SLC35F3: variants seen among roughly 807,000 people sequenced by gnomAD.
SLC35F3 encodes solute carrier family 35 member F3, also known as putative thiamine transporter SLC35F3.
Under a neutral mutation model 49.9 loss-of-function variants are expected in SLC35F3, and 25 were observed. The observed-to-expected ratio is 0.50, with a 90% CI of 0.37 to 0.70. The LOEUF is 0.70. Among genes scored for constraint, SLC35F3 ranks in the 30% least tolerant of loss-of-function variants. The probability of loss-of-function intolerance (pLI) is 0.00; values close to 1 mark genes in which losing one functional copy is unlikely to be tolerated. For missense variants in SLC35F3, 525 were observed against 639.8 expected (o/e 0.82, Z 1.94); for synonymous variants, 275 against 265.4 (o/e 1.04, Z -0.35).
At chr1:233,927,642 AT>A (rs1232342111) in intron 2 of SLC35F3, among the ~76,000 whole-genome samples, 2 of 152,092 alleles carry the variant, frequency 1.3e-5, no homozygotes, top group Non-Finnish European at 2.9e-5. Flanking sequence ...TTCAGAAGAC[AT>A]TTTTGAACAC....
At chr1:234,029,961 T>G (rs1246903932) in intron 2 of SLC35F3, among the ~76,000 whole-genome samples, 1 of 152,228 alleles carries the variant, frequency 6.6e-6, no homozygotes, top group Admixed American at 6.5e-5. Context: ...AATTAGTTTT[T>G]CTGCCATGCT....
chr1:234,323,060 C>T lies in SLC35F3; in HGVS notation c.1290C>T (p.Ala430=). ...QIVFNGVRVI[A]IIIIGLGFLL... ...TCTTCAATGGGGTCCGGGTCATCGC[C>T]ATCATCATCATCGGCCTGGGTTTTC... is the stretch of plus-strand genomic sequence containing the variant. The change falls in exon 8 of 8, where the codon GCC becomes GCT. Residue 430 remains alanine (A), a synonymous_variant. Transcript: ENST00000366618. This position sits in a 1 kb window ranked among gnomAD's most constrained non-coding sequence, Gnocchi z 4.5. 1 of 1,613,864 alleles carries T rather than the reference C, an allele frequency of 6.2e-7. No individual in the cohort carries two copies. Among genetic ancestry groups the T allele is most frequent in the Non-Finnish European group, 8.5e-7 (1 of 1,179,822 alleles).
At chr1:233,984,045 C>T (rs1475520162) in intron 2 of SLC35F3, among the ~76,000 whole-genome samples, 1 of 152,186 alleles carries the variant, frequency 6.6e-6, no homozygotes, top group African/African-American at 2.4e-5. Context: ...CCTCTCTGGC[C>T]TTGTTCAGGA....
intron 2 of SLC35F3, among the ~76,000 whole-genome samples, chr1:233,950,558 C>T (rs1484737549): frequency 2.0e-5 from 3 of 146,474 alleles, no homozygotes; most frequent in African/African-American, 7.6e-5. Flanking sequence ...CTCTTTCCTC[C>T]TTCTCCCCTG....
intron 2 of SLC35F3, among the ~76,000 whole-genome samples, chr1:234,019,427 A>G (rs1017241067): frequency 4.6e-5 from 7 of 152,192 alleles, no homozygotes; most frequent in African/African-American, 1.2e-4. Flanking sequence ...TGGCTCACCA[A>G]TTGTGGAGGC....
chr1:234,321,171 C>T (rs557419269), intron 7 of SLC35F3, among the ~76,000 whole-genome samples: 1 of 152,254 alleles, frequency 6.6e-6, no homozygotes, highest in Non-Finnish European at 1.5e-5. Flanking sequence ...CAAAGGCGCT[C>T]GACCTCTCTG....
In SLC35F3 at chr1:234,309,330, T is replaced by G. The variant is rs745545221; in HGVS notation, c.828+10T>G. 2 of 1,612,452 alleles carry G rather than the reference T, an allele frequency of 1.2e-6. No individual in the cohort carries two copies. Among genetic ancestry groups the G allele is most frequent in the Non-Finnish European group, 8.5e-7 (1 of 1,178,652 alleles). On this transcript the variant is annotated intron_variant, in intron 4 of 7. Coordinates refer to ENST00000366618, the MANE Select transcript of SLC35F3 (RefSeq NM_173508.4). Reference sequence around the variant, plus strand: ...ATTCATGGGAGTGAGGGTAAGTTCCTTATTATCTGTCTTCCTCCCTCACTC... The same window carrying G: ...ATTCATGGGAGTGAGGGTAAGTTCCGTATTATCTGTCTTCCTCCCTCACTC...
At chr1:234,130,934 G>C (rs1287465891) in intron 2 of SLC35F3, among the ~76,000 whole-genome samples, 2 of 124,498 alleles carry the variant, frequency 1.6e-5, no homozygotes, top group Non-Finnish European at 4.0e-5. Flanking sequence ...CAATAGAATG[G>C]ATAAAAAAAA....
intron 2 of SLC35F3, among the ~76,000 whole-genome samples, chr1:234,169,440 C>T (rs538273106): frequency 3.0e-4 from 45 of 152,288 alleles, no homozygotes; most frequent in African/African-American, 1.0e-3. Context: ...AAAGCGTTCC[C>T]GGCTGTGGGC....
chr1:234,177,771 G>T (rs375077246), intron 2 of SLC35F3, among the ~76,000 whole-genome samples: 1 of 152,208 alleles, frequency 6.6e-6, no homozygotes, highest in South Asian at 2.1e-4. Flanking sequence ...TCCATGAGAA[G>T]TTACTCTTAA....
chr1:234,292,087 G>A (rs1282723604), intron 3 of SLC35F3, among the ~76,000 whole-genome samples: 1 of 152,204 alleles, frequency 6.6e-6, no homozygotes, highest in Non-Finnish European at 1.5e-5. Context: ...TGGAGTGAGG[G>A]AGCAGAGATT....
At chr1:234,210,886 T>TCTCTGGGAC (rs972240811) in intron 2 of SLC35F3, among the ~76,000 whole-genome samples, 3 of 152,196 alleles carry the variant, frequency 2.0e-5, no homozygotes, top group Non-Finnish European at 4.4e-5. Context: ...GGGGAAAATG[T>TCTCTGGGAC]CTCTGGGACG....
At chr1:234,043,348 A>G (rs1244272745) in intron 2 of SLC35F3, among the ~76,000 whole-genome samples, 1 of 152,244 alleles carries the variant, frequency 6.6e-6, no homozygotes, top group Non-Finnish European at 1.5e-5. Flanking sequence ...AGTGTTTGAA[A>G]TAAAGGCTAA....
chr1:233,977,189 C>T (rs1010169521), intron 2 of SLC35F3, among the ~76,000 whole-genome samples: 1 of 152,244 alleles, frequency 6.6e-6, no homozygotes, highest in Non-Finnish European at 1.5e-5. Context: ...GCACCTGCTT[C>T]TCTCTGGGCT....
At chr1:234,195,531 T>C (rs6688828) in intron 2 of SLC35F3, among the ~76,000 whole-genome samples, 65,579 of 151,976 alleles carry the variant, frequency 0.43, 17,369 homozygotes, top group Non-Finnish European at 0.6. Context: ...CTCCTTTTCA[T>C]TGTGTCCCCT....
chr1:234,285,555 G>C (rs1668406983), intron 3 of SLC35F3: 1 of 313,356 alleles, frequency 3.2e-6, no homozygotes, highest in South Asian at 2.8e-5. Context: ...TGATCTAAGA[G>C]TTGTCCAGCT....
chr1:233,988,712 C>G (rs1289020546), intron 2 of SLC35F3, among the ~76,000 whole-genome samples: 1 of 152,190 alleles, frequency 6.6e-6, no homozygotes, highest in Non-Finnish European at 1.5e-5. Flanking sequence ...TCTCTTATAA[C>G]TTTTTCTCCC....
At chr1:234,122,953 G>A (rs1665597560) in intron 2 of SLC35F3, among the ~76,000 whole-genome samples, 1 of 152,112 alleles carries the variant, frequency 6.6e-6, no homozygotes, top group South Asian at 2.1e-4. Context: ...CTTTATATTA[G>A]AATGATTTAT....
chr1:233,937,912 A>G (rs530309794), intron 2 of SLC35F3, among the ~76,000 whole-genome samples: 2 of 152,164 alleles, frequency 1.3e-5, no homozygotes, highest in African/African-American at 4.8e-5. Context: ...TTTCTGACTC[A>G]GGTGACTTGT....
Sources: allele counts gnomAD v4.1 joint callset (sites outside exome capture counted in the v4.1 genomes callset), GRCh38; gene constraint gnomAD v4.1.1; non-coding constraint Gnocchi (gnomAD v3.1); transcripts MANE v1.5; gene names NCBI Gene and HGNC (gene_info 2026-07-23, HGNC 2026-07-21).